Variants in DISP2 observed in about 807,000 individuals in gnomAD.
DISP2 encodes the protein dispatched RND transporter family member 2, also known as protein dispatched homolog 2.
DISP2 carries 59 observed loss-of-function variants against 95.5 expected under a neutral mutation model. The observed-to-expected ratio is 0.62, with a 90% CI of 0.50 to 0.77. DISP2 has a LOEUF of 0.77. DISP2 is among the 30% of genes least tolerant of loss of function. The pLI is 0.00. For missense variants in DISP2, 1,752 were observed against 1,854.6 expected, an observed-to-expected ratio of 0.94 and a Z score of 1.02; for synonymous variants, 827 against 815.0, an observed-to-expected ratio of 1.01 and a Z score of -0.25.
At chr15:40,367,035 C>G in intron 7 of DISP2, 23 bp from the exon 8 acceptor site, 1 of 1,602,784 alleles carries the variant, frequency 6.2e-7, no homozygotes, top group Non-Finnish European at 8.5e-7. Context: ...CCTGAACTCT[C>G]CCCTCCTGCG....
Position 40,364,770 on chromosome 15 carries a change from G to A in DISP2, c.604-68G>A, listed in dbSNP as rs1889469202. 3.3e-6 allele frequency: 5 copies of A among 1,513,658 alleles called. No homozygotes were observed. In the South Asian group the frequency reaches 3.7e-5, roughly 11 times the overall value. 93.8% of individuals were successfully genotyped at this position (1,513,658 alleles called of 1,614,324 possible). A position where few individuals can be genotyped will look rare whatever the true frequency, so the allele number is the denominator to read the frequency against. On this transcript the variant is annotated intron_variant, in intron 4 of 7. Transcript: ENST00000267889. ...TGCTCTGAGGAGTCAAAGGGGCAGA[G>A]CTGAGAAGCACCCAAATGGAGAACT...
rs1253973097 is a variant in DISP2 at position 40,368,514 on chromosome 15, T to A, written c.2402T>A (p.Phe801Tyr). 1 of 1,606,552 alleles carries A rather than the reference T, an allele frequency of 6.2e-7. No individual in the cohort carries two copies. The highest frequency in any genetic ancestry group is 1.7e-5 in the Admixed American group (1 of 60,018). Residue 801 changes from phenylalanine to tyrosine, a missense_variant, in exon 8 of 8, where the codon TTC (phenylalanine) becomes TAC (tyrosine). This residue lies in a region of DISP2 where 732 missense variants were observed against 714.6 expected (regional missense o/e 1.02). Coordinates refer to ENST00000267889, the MANE Select transcript of DISP2 (RefSeq NM_033510.3). ...SNSSLVRDPA[F>Y]SASGPEAQRW... ...AGCAGCCTGGTGAGGGACCCTGCCTTCTCGGCCAGCGGCCCTGAGGCCCAG... is the reference window on the plus strand; with the variant it reads ...AGCAGCCTGGTGAGGGACCCTGCCTACTCGGCCAGCGGCCCTGAGGCCCAG...
At chr15:40,359,131 C>T (rs936617289) in intron 1 of DISP2, among the ~76,000 whole-genome samples, 4 of 152,236 alleles carry the variant, frequency 2.6e-5, no homozygotes, top group African/African-American at 9.6e-5. Context: ...CACCTCTCTT[C>T]TCCCTTCCTC....
rs371961792 is a variant in DISP2 at position 40,369,269 on chromosome 15, G to A, written c.3157G>A (p.Ala1053Thr). 8.4e-5 allele frequency: 136 copies of A among 1,613,636 alleles called. No individual in the cohort carries two copies. The highest frequency in any genetic ancestry group is 1.0e-4 in the Non-Finnish European group (123 of 1,180,048). ...CPHPDRLSRV[A>T]FSLRQTSCAT... ...ACACCCTGACCGCCTGAGCCGTGTGGCCTTCTCTCTGCGCCAGACCAGCTG... is the reference window on the plus strand; with the variant it reads ...ACACCCTGACCGCCTGAGCCGTGTGACCTTCTCTCTGCGCCAGACCAGCTG... Residue 1053 changes from alanine (A) to threonine (T), a missense_variant, in exon 8 of 8, where the codon GCC becomes ACC. Around this residue, in one of 5 missense-constraint regions of DISP2, gnomAD observed 317 missense variants for 394.9 expected, o/e 0.80. Transcript: ENST00000267889.
In DISP2 at chr15:40,368,304, C is replaced by A. The variant is rs756663851; in HGVS notation, c.2192C>A (p.Thr731Lys). 1 of 1,604,760 alleles carries A rather than the reference C, an allele frequency of 6.2e-7. No homozygotes were observed. Among genetic ancestry groups the A allele is most frequent in the East Asian group, 2.2e-5 (1 of 44,728 alleles). Residue 731 changes from threonine to lysine, a missense_variant, in exon 8 of 8, where the codon ACG becomes AAG. Around this residue, in one of 5 missense-constraint regions of DISP2, gnomAD observed 732 missense variants for 714.6 expected, o/e 1.02. Transcript: ENST00000267889. ...GTCAGCCCCCGCCTGCGGCTGCCCA[C>A]GCTGCCGCCGCCCGGCGGCCAGGTC... ...AGVSPRLRLP[T>K]LPPPGGQVFR... is the part of the protein sequence containing the mutation.
intron 4 of DISP2, 119 bp downstream of exon 4, chr15:40,364,663 T>C: frequency 6.7e-7 from 1 of 1,493,686 alleles, no homozygotes; most frequent in Non-Finnish European, 9.0e-7. Context: ...CATGGTAGGC[T>C]CTTGACCTCC....
At position 40,369,860 on chromosome 15, in the gene DISP2, C is replaced by A; in HGVS notation, c.3748C>A (p.Gln1250Lys). Residue 1250 changes from glutamine to lysine, a missense_variant, in exon 8 of 8, where the codon CAG becomes AAG. Gln to Lys is a moderately conservative substitution (Grantham distance 53). This residue lies in a region of DISP2 where 347 missense variants were observed against 344.2 expected (regional missense o/e 1.01). Coordinates refer to ENST00000267889, the MANE Select transcript of DISP2 (RefSeq NM_033510.3). ...AGPSPKTRAR[Q>K]DSQGEEAEPL... ...CCCCAGCCCCAAAACCCGGGCCAGG[C>A]AGGACTCCCAAGGGGAGGAGGCTGA... is the stretch of plus-strand genomic sequence containing the variant. The A allele has an allele frequency of 6.4e-7, 1 of 1,568,900 alleles. No homozygotes were observed. The highest frequency in any genetic ancestry group is 1.2e-5 in the South Asian group (1 of 84,772).
In DISP2 at chr15:40,368,698, G is replaced by A. The variant is rs188150597; in HGVS notation, c.2586G>A (p.Ser862=). 7.5e-5 allele frequency: 121 copies of A among 1,612,978 alleles called. No individual in the cohort carries two copies. The African/African-American group carries it at 1.2e-3, about 16-fold the overall frequency. ...GGCCTGACCTCTGCTGCGGCCACTC[G>A]GACTTCCCCTGGGCCCCCCAGTTTT... ...RLGPDLCCGH[S]DFPWAPQFFL... is the part of the protein sequence containing the mutation. The change falls in exon 8 of 8, where the codon TCG becomes TCA. Residue 862 remains serine, a synonymous_variant. Transcript: ENST00000267889.
In DISP2 at chr15:40,367,929, C is replaced by T. The variant is rs1439881766; in HGVS notation, c.1817C>T (p.Ala606Val). 3.1e-6 allele frequency: 5 copies of T among 1,593,346 alleles called. No homozygotes were observed. The highest frequency in any genetic ancestry group is 4.2e-6 in the Non-Finnish European group (5 of 1,177,602). Residue 606 changes from alanine (A) to valine (V), a missense_variant, in exon 8 of 8, where the codon GCC (alanine) becomes GTC (valine). Coordinates refer to ENST00000267889, the MANE Select transcript of DISP2 (RefSeq NM_033510.3). ...SGLTTSAAFY[A>V]SYLSRLPAVR... ...CTCACCACGAGCGCGGCCTTCTATG[C>T]CAGCTACCTGAGCCGCCTGCCGGCC... is the stretch of plus-strand genomic sequence containing the variant.
chr15:40,368,615 CTG>C lies in DISP2; in HGVS notation c.2507_2508del (p.Cys836PhefsTer20), dbSNP rs1446920090. 6.2e-7 allele frequency: 1 copy of C among 1,607,664 alleles called. No homozygotes were observed. The highest frequency in any genetic ancestry group is 1.1e-5 in the South Asian group (1 of 91,090). ...FDTLQEGWPTLCFVETLQRWM... is the reference protein window; with the variant it reads ...FDTLQEGWPTXCFVETLQRWM... Reference sequence around the variant, plus strand: ...CACCCTGCAGGAAGGCTGGCCCACGCTGTGTTTCGTGGAGACCCTCCAGCGCT... The same window carrying C: ...CACCCTGCAGGAAGGCTGGCCCACGCTGTTTCGTGGAGACCCTCCAGCGCT... On this transcript the variant is annotated frameshift_variant, in exon 8 of 8. Coordinates refer to ENST00000267889, the MANE Select transcript of DISP2 (RefSeq NM_033510.3). LOFTEE classifies it high-confidence loss of function.
In DISP2 at chr15:40,365,182, G is replaced by A. The variant is rs1465196179; in HGVS notation, c.755G>A (p.Arg252Lys). 1 of 1,614,070 alleles carries A rather than the reference G, an allele frequency of 6.2e-7. No homozygotes were observed. Among genetic ancestry groups the A allele is most frequent in the Non-Finnish European group, 8.5e-7 (1 of 1,180,038 alleles). The part of the protein sequence containing the change: ...SSHNTLRPAP[R>K]GSAQESAVRP... ...CACAACACTCTGAGGCCTGCACCCA[G>A]AGGCAGTGCCCAGGAGAGCGCTGTC... Residue 252 changes from arginine (R) to lysine (K), a missense_variant, in exon 6 of 8, where the codon AGA becomes AAA. This residue lies in a region of DISP2 where 342 missense variants were observed against 364.3 expected (regional missense o/e 0.94). Transcript: ENST00000267889.
intron 2 of DISP2, 93 bp from the exon 3 acceptor site, chr15:40,364,133 C>T (rs1889454502): frequency 8.9e-6 from 14 of 1,579,964 alleles, no homozygotes; most frequent in Non-Finnish European, 1.2e-5. Flanking sequence ...TGGGTTATCC[C>T]TCACCTACCC....
Position 40,369,411 on chromosome 15 carries a change from G to T in DISP2, c.3299G>T (p.Cys1100Phe). 1 of 1,613,610 alleles carries T rather than the reference G, an allele frequency of 6.2e-7. No individual in the cohort carries two copies. The highest frequency in any genetic ancestry group is 8.5e-7 in the Non-Finnish European group (1 of 1,180,034). The change falls in exon 8 of 8, where the codon TGT becomes TTT. Residue 1100 changes from cysteine to phenylalanine, a missense_variant. Cys to Phe is a radical substitution (Grantham distance 205). This residue lies in a region of DISP2 where 317 missense variants were observed against 394.9 expected (regional missense o/e 0.80). Coordinates refer to ENST00000267889, the MANE Select transcript of DISP2 (RefSeq NM_033510.3). ...CTCATGATGGTCAAATGCGTCAGTT[G>T]TGGCTTTGCCAGCTTCTTCTTCCAA... Reference protein sequence around the residue: ...IILMMVKCVSCGFASFFFQSL... With the variant: ...IILMMVKCVSFGFASFFFQSL...
At position 40,370,377 on chromosome 15, in the gene DISP2, G is replaced by T; in HGVS notation, c.*59G>T. 6.7e-7 allele frequency: 1 copy of T among 1,503,492 alleles called. No homozygotes were observed. 93.1% of individuals were successfully genotyped at this position (1,503,492 alleles called of 1,614,324 possible). A position where few individuals can be genotyped will look rare whatever the true frequency, so the allele number is the denominator to read the frequency against. On this transcript the variant is annotated 3_prime_UTR_variant, in exon 8 of 8. Coordinates refer to ENST00000267889, the MANE Select transcript of DISP2 (RefSeq NM_033510.3). The stretch of plus-strand genomic sequence containing the variant: ...CCCTGTCATGGATGACAAGGCAAGG[G>T]CAGCAATAGGCTGGAGCCCGAAGGT...
rs1265681986 is a variant in DISP2 at position 40,365,637 on chromosome 15, A to G, written c.857A>G (p.Tyr286Cys). The G allele has an allele frequency of 8.1e-6, 13 of 1,614,114 alleles. No homozygotes were observed. Among genetic ancestry groups the G allele is most frequent in the Non-Finnish European group, 1.1e-5 (13 of 1,179,996 alleles). The stretch of plus-strand genomic sequence containing the variant: ...CGGGGGTATGTTGCAGAGAAGAGCT[A>G]TGCAAAGCTGGTGTTCATGTCCACC... Reference protein sequence around the residue: ...NFFCGPPEKSYAKLVFMSTSS... With the variant: ...NFFCGPPEKSCAKLVFMSTSS... Residue 286 changes from tyrosine to cysteine, a missense_variant, in exon 7 of 8, where the codon TAT becomes TGT. By Grantham distance (194) the Tyr-to-Cys change is radical (BLOSUM62 -2). This residue lies in a region of DISP2 where 14 missense variants were observed against 36.6 expected (regional missense o/e 0.38). Transcript: ENST00000267889.
chr15:40,369,318 C>A lies in DISP2; in HGVS notation c.3206C>A (p.Ala1069Asp). Residue 1069 changes from alanine (A) to aspartate (D), a missense_variant, in exon 8 of 8, where the codon GCC (alanine) becomes GAC (aspartate). Around this residue, in one of 5 missense-constraint regions of DISP2, gnomAD observed 317 missense variants for 394.9 expected, o/e 0.80. Coordinates refer to ENST00000267889, the MANE Select transcript of DISP2 (RefSeq NM_033510.3). ...TGCGCCACAGCCGTGGGGGCTGCAGCCCTGTTTGCGGCAGGCGTGCTCATG... is the reference window on the plus strand; with the variant it reads ...TGCGCCACAGCCGTGGGGGCTGCAGACCTGTTTGCGGCAGGCGTGCTCATG... ...TSCATAVGAA[A>D]LFAAGVLMLP... 1 of 1,613,606 alleles carries A rather than the reference C, an allele frequency of 6.2e-7. No homozygotes were observed. The highest frequency in any genetic ancestry group is 8.5e-7 in the Non-Finnish European group (1 of 1,180,048).
At chr15:40,359,974 G>A (rs1237817929) in intron 1 of DISP2, among the ~76,000 whole-genome samples, 1 of 152,246 alleles carries the variant, frequency 6.6e-6, no homozygotes, top group Admixed American at 6.5e-5. Flanking sequence ...TGGCCACTCT[G>A]TGGGATCACA....
Position 40,363,916 on chromosome 15 carries a change from G to C in DISP2, c.411G>C (p.Trp137Cys), listed in dbSNP as rs777648349. The change falls in exon 2 of 8, where the codon TGG becomes TGC. Residue 137 changes from tryptophan to cysteine, a missense_variant. By Grantham distance (215) the Trp-to-Cys change is radical (BLOSUM62 -2). Coordinates refer to ENST00000267889, the MANE Select transcript of DISP2 (RefSeq NM_033510.3). ...SPAPSQRDGT[W>C]KPPAVQHHVV... Reference sequence around the variant, plus strand: ...CCCCCTCACAGCGCGATGGGACCTGGAAGCCACCCGCTGTGCAGCACCATG... The same window carrying C: ...CCCCCTCACAGCGCGATGGGACCTGCAAGCCACCCGCTGTGCAGCACCATG... The C allele has an allele frequency of 6.4e-7, 1 of 1,554,374 alleles. No homozygotes were observed. Among genetic ancestry groups the C allele is most frequent in the Non-Finnish European group, 8.7e-7 (1 of 1,148,952 alleles).
Position 40,370,376 on chromosome 15 carries a change from G to A in DISP2, c.*58G>A. On this transcript the variant is annotated 3_prime_UTR_variant, in exon 8 of 8. Coordinates refer to ENST00000267889, the MANE Select transcript of DISP2 (RefSeq NM_033510.3). ...ACCCTGTCATGGATGACAAGGCAAG[G>A]GCAGCAATAGGCTGGAGCCCGAAGG... 2.0e-6 allele frequency: 3 copies of A among 1,503,438 alleles called. No homozygotes were observed. Among genetic ancestry groups the A allele is most frequent in the Non-Finnish European group, 2.7e-6 (3 of 1,131,482 alleles). The allele number at this position is 1,503,438 out of a possible 1,614,324, so 93.1% of individuals were successfully genotyped here.
Sources: gnomAD v4.1 joint callset for allele counts (sites outside exome capture counted in the v4.1 genomes callset) on GRCh38, gnomAD v4.1.1 for gene constraint, gnomAD v4.1.1 regional missense constraint, MANE v1.5 for transcripts, NCBI Gene and HGNC (gene_info 2026-07-23, HGNC 2026-07-21) for gene names.